The following SVIL variants were observed in gnomAD, a reference collection of about 807,000 sequenced individuals.
The protein encoded by SVIL is supervillin.
Under a neutral mutation model 240.4 loss-of-function variants are expected in SVIL, and 101 were observed. That is an observed-to-expected ratio of 0.42 (90% CI 0.36 to 0.50). The LOEUF (loss-of-function observed/expected upper bound fraction) is 0.50, where lower values mean the gene tolerates loss of function less well. SVIL is among the 20% of genes least tolerant of loss of function. The probability of loss-of-function intolerance (pLI) is 0.01; values close to 1 mark genes in which losing one functional copy is unlikely to be tolerated. For missense variants in SVIL, 2,512 were observed against 2,818.7 expected, an observed-to-expected ratio of 0.89 and a Z score of 2.46; for synonymous variants, 999 against 1,100.0, an observed-to-expected ratio of 0.91 and a Z score of 1.82.
chr10:29,549,167 C>CAAAA (rs551015818), intron 6 of SVIL, among the ~76,000 whole-genome samples: 5 of 105,996 alleles, frequency 4.7e-5, no homozygotes, highest in Admixed American at 3.7e-4. Flanking sequence ...AACAAATTTA[C>CAAAA]AAAAAAAAAA....
chr10:29,544,863 G>A, intron 6 of SVIL: 1 of 339,530 alleles, frequency 2.9e-6, no homozygotes, highest in East Asian at 7.5e-5. Flanking sequence ...TTAACAGTTG[G>A]GATTCTAGAG....
At chr10:29,508,506 G>A (rs1949543596) in intron 17 of SVIL, 1 of 753,956 alleles carries the variant, frequency 1.3e-6, no homozygotes, top group African/African-American at 1.8e-5. Context: ...GCATGCACGT[G>A]CTCACACAAT....
chr10:29,550,939 T>A lies in SVIL; in HGVS notation c.485A>T (p.Asp162Val). Residue 162 changes from aspartate to valine, a missense_variant, in exon 6 of 38, where the codon GAT (aspartate) becomes GTT (valine). Asp to Val is a radical substitution (Grantham distance 152). This residue lies in a region of SVIL where 1,443 missense variants were observed against 1,486.6 expected (regional missense o/e 0.97). Transcript: ENST00000355867. ...GGTCCCGGGGTACAGAGAACTAGCA[T>A]CTCTGCTTGACTCTTCCTGTTTGTC... Reference protein sequence around the residue: ...KSDKQEESSRDASSLYPGTET... With the variant: ...KSDKQEESSRVASSLYPGTET... 6.2e-7 allele frequency: 1 copy of A among 1,614,062 alleles called. No individual in the cohort carries two copies. The highest frequency in any genetic ancestry group is 8.5e-7 in the Non-Finnish European group (1 of 1,180,016).
chr10:29,709,876 G>A (rs1015819417), intron 1 of SVIL, among the ~76,000 whole-genome samples: 1 of 152,076 alleles, frequency 6.6e-6, no homozygotes, highest in African/African-American at 2.4e-5. Flanking sequence ...AGAGCAGGCG[G>A]TATCCCACAT....
chr10:29,486,788 CAT>C (rs1254807593), intron 24 of SVIL, among the ~76,000 whole-genome samples: 1 of 152,202 alleles, frequency 6.6e-6, no homozygotes, highest in Non-Finnish European at 1.5e-5. Flanking sequence ...CAATAGGTCA[CAT>C]GTGATGCTTT....
intron 17 of SVIL, among the ~76,000 whole-genome samples, chr10:29,512,106 C>T (rs1339330602): frequency 1.3e-5 from 2 of 152,206 alleles, no homozygotes; most frequent in Non-Finnish European, 2.9e-5. Context: ...GTGTGCACTA[C>T]CTGGTCAAAA....
At chr10:29,611,721 G>A (rs1450432733) in intron 1 of SVIL, among the ~76,000 whole-genome samples, 3 of 152,172 alleles carry the variant, frequency 2.0e-5, no homozygotes, top group Admixed American at 6.5e-5. Context: ...GTGAGGCAAA[G>A]GAGCATCTCA....
intron 34 of SVIL, 40 bp downstream of exon 34, chr10:29,465,555 C>G: frequency 6.4e-7 from 1 of 1,552,132 alleles, no homozygotes; most frequent in Admixed American, 2.2e-5. Context: ...GGAAGATGTG[C>G]CTTCTACTGC....
At chr10:29,668,124 C>A (rs919227578) in intron 2 of SVIL, among the ~76,000 whole-genome samples, 2 of 152,082 alleles carry the variant, frequency 1.3e-5, no homozygotes, top group Non-Finnish European at 2.9e-5. Flanking sequence ...GCTCCCTTAG[C>A]CATATAAAAT....
At chr10:29,620,055 A>G (rs1280825055) in intron 1 of SVIL, among the ~76,000 whole-genome samples, 1 of 152,188 alleles carries the variant, frequency 6.6e-6, no homozygotes, top group Non-Finnish European at 1.5e-5. Flanking sequence ...AAATTATAAT[A>G]ATTTTTAAAG....
intron 9 of SVIL, 80 bp downstream of exon 9, chr10:29,531,922 C>A (rs879193692): frequency 2.7e-6 from 4 of 1,470,926 alleles, no homozygotes; most frequent in Non-Finnish European, 3.7e-6. Context: ...ATATAAATAG[C>A]GTCAAGACCG....
intron 32 of SVIL, among the ~76,000 whole-genome samples, chr10:29,470,005 A>G (rs1945373142): frequency 6.6e-6 from 1 of 152,212 alleles, no homozygotes; most frequent in Non-Finnish European, 1.5e-5. Context: ...AAGAACCCAG[A>G]GTGCTTCCAA....
At chr10:29,530,157 G>C (rs1951253720) in intron 11 of SVIL, among the ~76,000 whole-genome samples, 1 of 152,146 alleles carries the variant, frequency 6.6e-6, no homozygotes, top group Non-Finnish European at 1.5e-5. Flanking sequence ...CTGAGTGAGA[G>C]AGTGAGACCC....
chr10:29,484,808 A>G lies in SVIL; in HGVS notation c.4803T>C (p.Ser1601=). 2 of 1,611,414 alleles carry G rather than the reference A, an allele frequency of 1.2e-6. No individual in the cohort carries two copies. The highest frequency in any genetic ancestry group is 2.2e-5 in the South Asian group (2 of 90,530). The change falls in exon 27 of 38, where the codon AGT becomes AGC. Residue 1601 remains serine, a synonymous_variant. Coordinates refer to ENST00000355867, the MANE Select transcript of SVIL (RefSeq NM_021738.3). The surrounding 1 kb of genome is among the most constrained non-coding windows in gnomAD (Gnocchi z 4.7). The stretch of plus-strand genomic sequence containing the variant: ...CTTTCCCATGCCATACGTAAACTTC[A>G]CTACCAAAATCAAACACCAGTACCT... ...PKEVLVFDFG[S]EVYVWHGKEV...
At position 29,458,264 on chromosome 10, in the gene SVIL, C is replaced by T; in HGVS notation, c.6628G>A (p.Ala2210Thr). The T allele has an allele frequency of 2.5e-6, 4 of 1,614,218 alleles. No individual in the cohort carries two copies. The South Asian group carries it at 4.4e-5, about 18-fold the overall frequency. The change falls in exon 38 of 38, where the codon GCA (alanine) becomes ACA (threonine). Residue 2210 changes from alanine (A) to threonine (T), a missense_variant. This residue lies in a region of SVIL where 797 missense variants were observed against 925.3 expected (regional missense o/e 0.86). Coordinates refer to ENST00000355867, the MANE Select transcript of SVIL (RefSeq NM_021738.3). Reference sequence around the variant, plus strand: ...CTCCCCACTCAGAACAGGCCTTTTGCTTTCTTCAGGTTCACCTGCTTCCAG... The same window carrying T: ...CTCCCCACTCAGAACAGGCCTTTTGTTTTCTTCAGGTTCACCTGCTTCCAG... ...PAWKQVNLKK[A>T]KGLF
In SVIL at chr10:29,484,650, G is replaced by T. The variant is rs535542996; in HGVS notation, c.4955+6C>A. 132 of 1,608,856 alleles carry T rather than the reference G, an allele frequency of 8.2e-5. No individual in the cohort carries two copies. The South Asian group carries it at 1.4e-3, about 17-fold the overall frequency. On this transcript the variant is annotated splice_donor_region_variant and intron_variant, in intron 27 of 37. Coordinates refer to ENST00000355867, the MANE Select transcript of SVIL (RefSeq NM_021738.3). The surrounding 1 kb of genome is among the most constrained non-coding windows in gnomAD (Gnocchi z 4.7). ...AAGAGCTGTCCCCGGGCGGCGGCAG[G>T]AGTACCTGGGGATAAGCGGATTGCA... is the stretch of plus-strand genomic sequence containing the variant.
Position 29,583,341 on chromosome 10 carries a change from A to C in SVIL, c.-200-14029T>G, listed in dbSNP as rs570683017. On this transcript the variant is annotated intron_variant, in intron 1 of 37. Transcript: ENST00000355867. ...GAGACAGGGTCTGGCTCTGTTGCCC[A>C]AGCTGCAGTGCAGTGGCACAATCAC... Among the ~76,000 whole-genome samples, 11 of 152,256 alleles carry C rather than the reference A, an allele frequency of 7.2e-5. No individual in the cohort carries two copies. The South Asian group carries it at 1.5e-3, about 20-fold the overall frequency.
At chr10:29,481,864 G>A (rs905236798) in intron 27 of SVIL, 136 bp from the exon 28 acceptor site, 3 of 778,040 alleles carry the variant, frequency 3.9e-6, no homozygotes, top group Non-Finnish European at 6.2e-6. Flanking sequence ...AAAGTAAATG[G>A]TTTATTTTCC....
intron 1 of SVIL, among the ~76,000 whole-genome samples, chr10:29,589,164 G>A (rs997673704): frequency 1.1e-4 from 16 of 152,300 alleles, no homozygotes; most frequent in African/African-American, 3.4e-4. Flanking sequence ...TGAGACACTC[G>A]ACACCAAAAG....
Sources: gnomAD v4.1 joint callset for allele counts (sites outside exome capture counted in the v4.1 genomes callset) on GRCh38, gnomAD v4.1.1 for gene constraint, gnomAD v4.1.1 regional missense constraint, Gnocchi (gnomAD v3.1) non-coding constraint, MANE v1.5 for transcripts, NCBI Gene and HGNC (gene_info 2026-07-23, HGNC 2026-07-21) for gene names.